Variants in COL23A1 observed in about 807,000 individuals in gnomAD.
COL23A1 encodes the protein collagen alpha-1(XXIII) chain.
Under a neutral mutation model 99.3 loss-of-function variants are expected in COL23A1, and 97 were observed. The observed-to-expected ratio is 0.98, with a 90% CI of 0.83 to 1.16. The LOEUF is 1.16. Among genes scored for constraint, COL23A1 ranks in the 50% most tolerant of loss-of-function variants. The probability of loss-of-function intolerance (pLI) is 0.00; values close to 1 mark genes in which losing one functional copy is unlikely to be tolerated. For synonymous variants in COL23A1, 320 were observed against 308.2 expected (o/e 1.04, Z -0.40); for missense variants, 762 against 757.4 (o/e 1.01, Z -0.07).
chr5:178,357,019 C>G (rs1561893706), intron 2 of COL23A1, among the ~76,000 whole-genome samples: 1 of 152,242 alleles, frequency 6.6e-6, no homozygotes, highest in African/African-American at 2.4e-5. Context: ...CCAAACAGTG[C>G]TTCGAGTCAA....
rs375143654 is a variant in COL23A1 at position 178,304,725 on chromosome 5, C to T, written c.406+2150G>A. Among the ~76,000 whole-genome samples the T allele has an allele frequency of 4.6e-5, 7 of 152,260 alleles. No individual in the cohort carries two copies. The South Asian group carries it at 8.3e-4, about 18-fold the overall frequency. On this transcript the variant is annotated intron_variant, in intron 3 of 28. Transcript: ENST00000390654. ...GGATAGGCAGACAATCGGGACACCACACTGGAAAAACAATGAGGGGGAGGG... is the reference window on the plus strand; with the variant it reads ...GGATAGGCAGACAATCGGGACACCATACTGGAAAAACAATGAGGGGGAGGG...
chr5:178,579,813 C>T (rs879285245), intron 1 of COL23A1, among the ~76,000 whole-genome samples: 1 of 152,184 alleles, frequency 6.6e-6, no homozygotes, highest in Non-Finnish European at 1.5e-5. Context: ...ACAAGGATGT[C>T]CACACTCGCA....
In COL23A1 at chr5:178,419,398, C is replaced by T. The variant is rs150352204; in HGVS notation, c.362-112479G>A. Among the ~76,000 whole-genome samples the T allele has an allele frequency of 6.3e-4, 96 of 152,324 alleles. 1 individual carries two copies. The East Asian group carries it at 0.015, about 24-fold the overall frequency. The stretch of plus-strand genomic sequence containing the variant: ...CTCTCCCATGCAAAGCTGAGGTCAC[C>T]GGTAACGACAGTAAACACTGACTGC... On this transcript the variant is annotated intron_variant, in intron 2 of 28. Coordinates refer to ENST00000390654, the MANE Select transcript of COL23A1 (RefSeq NM_173465.4).
intron 2 of COL23A1, among the ~76,000 whole-genome samples, chr5:178,429,811 C>T (rs1276966025): frequency 6.6e-6 from 1 of 152,160 alleles, no homozygotes; most frequent in Admixed American, 6.5e-5. Flanking sequence ...AGTGTCTGAG[C>T]CTCTGCTTAG....
intron 2 of COL23A1, among the ~76,000 whole-genome samples, chr5:178,356,710 G>C (rs1364533044): frequency 3.9e-5 from 6 of 152,200 alleles, no homozygotes; most frequent in Admixed American, 3.9e-4. Context: ...CGGCTTGGCT[G>C]CCTGAGGAGG....
intron 26 of COL23A1, 88 bp from the exon 27 acceptor site, chr5:178,242,216 G>A: frequency 6.9e-7 from 1 of 1,445,080 alleles, no homozygotes; most frequent in African/African-American, 1.4e-5. Flanking sequence ...CGTGGGGCCA[G>A]CCTCCCCCTG....
intron 2 of COL23A1, among the ~76,000 whole-genome samples, chr5:178,459,785 A>G (rs1399957688): frequency 1.3e-5 from 2 of 152,166 alleles, no homozygotes; most frequent in Non-Finnish European, 2.9e-5. Context: ...AAAAAGGGTT[A>G]GAAGACATTT....
At chr5:178,359,183 G>A (rs1386074182) in intron 2 of COL23A1, among the ~76,000 whole-genome samples, 2 of 152,126 alleles carry the variant, frequency 1.3e-5, no homozygotes, top group African/African-American at 2.4e-5. Context: ...TCTCAGCCTC[G>A]GTTTCCACCA....
chr5:178,476,302 G>C (rs555079667), intron 2 of COL23A1, among the ~76,000 whole-genome samples: 1 of 152,204 alleles, frequency 6.6e-6, no homozygotes, highest in Middle Eastern at 3.4e-3. Context: ...AAGAGCCCTT[G>C]GTCTGTTGAG....
intron 5 of COL23A1, among the ~76,000 whole-genome samples, chr5:178,279,179 CT>C (rs1756754026): frequency 6.6e-6 from 1 of 152,240 alleles, no homozygotes; most frequent in South Asian, 2.1e-4. Context: ...AGCTGTACCC[CT>C]GGCCTGGCAT....
At chr5:178,241,166 GGCT>G (rs1313399723) in intron 27 of COL23A1, among the ~76,000 whole-genome samples, 1 of 152,168 alleles carries the variant, frequency 6.6e-6, no homozygotes, top group Non-Finnish European at 1.5e-5. Context: ...GGGAGATGGA[GGCT>G]GCAGTGAACC....
chr5:178,565,075 G>A (rs1050353488), intron 1 of COL23A1, among the ~76,000 whole-genome samples: 1 of 152,210 alleles, frequency 6.6e-6, no homozygotes, highest in African/African-American at 2.4e-5. Context: ...TGAAGACTGT[G>A]TAGCAACAAG....
chr5:178,333,295 C>A (rs529229137), intron 2 of COL23A1, among the ~76,000 whole-genome samples: 1 of 152,280 alleles, frequency 6.6e-6, no homozygotes, highest in African/African-American at 2.4e-5. Context: ...CCAAAAAAGC[C>A]CTGGAAGGTC....
rs186031904 is a variant in COL23A1, at chr5:178,483,661, G to A, written c.361+77021C>T. ...AGAAAAGCTTCACTTCTATTCCTAG[G>A]CATGAAGCCCTCTCCCATACTTGTT... On this transcript the variant is annotated intron_variant, in intron 2 of 28. Transcript: ENST00000390654. Among the ~76,000 whole-genome samples the A allele has an allele frequency of 3.6e-3, 552 of 152,304 alleles. 2 individuals carry two copies. Among genetic ancestry groups the A allele is most frequent in the Non-Finnish European group, 5.8e-3 (397 of 68,032 alleles).
At chr5:178,571,629 C>A (rs1389118921) in intron 1 of COL23A1, among the ~76,000 whole-genome samples, 1 of 152,102 alleles carries the variant, frequency 6.6e-6, no homozygotes, top group Non-Finnish European at 1.5e-5. Context: ...GGAAAATAGG[C>A]CCTATGATGA....
intron 2 of COL23A1, among the ~76,000 whole-genome samples, chr5:178,426,790 C>T (rs921481263): frequency 6.6e-6 from 1 of 152,178 alleles, no homozygotes; most frequent in Non-Finnish European, 1.5e-5. Flanking sequence ...CGAACAGCCC[C>T]GTTAAAAATG....
intron 1 of COL23A1, among the ~76,000 whole-genome samples, chr5:178,583,157 A>G (rs960758008): frequency 1.3e-5 from 2 of 152,258 alleles, no homozygotes; most frequent in African/African-American, 4.8e-5. Context: ...AGCACAGTAT[A>G]TACAGAGAAA....
chr5:178,411,331 A>C (rs1203419881), intron 2 of COL23A1, among the ~76,000 whole-genome samples: 2 of 152,226 alleles, frequency 1.3e-5, no homozygotes, highest in African/African-American at 4.8e-5. Context: ...CAGGAACTCA[A>C]ATACATACAT....
intron 7 of COL23A1, 144 bp from the exon 8 acceptor site, chr5:178,267,477 C>A (rs1755970422): frequency 1.2e-6 from 1 of 804,832 alleles, no homozygotes; most frequent in South Asian, 1.8e-5. Context: ...TTTTTATTTC[C>A]ATTTCCAACG....
Sources: allele counts gnomAD v4.1 joint callset (sites outside exome capture counted in the v4.1 genomes callset), GRCh38; gene constraint gnomAD v4.1.1; transcripts MANE v1.5; gene names NCBI Gene and HGNC (gene_info 2026-07-23, HGNC 2026-07-21).